Variants in CUX2 observed in about 807,000 individuals in gnomAD.
CUX2 encodes cut like homeobox 2.
In CUX2, 40 loss-of-function variants were observed where a neutral mutation model predicts 144.8. That is an observed-to-expected ratio of 0.28 (90% CI 0.21 to 0.36). The LOEUF is 0.36. Ranked by LOEUF, CUX2 falls within the 10% of genes least tolerant of loss-of-function variation. CUX2 has a pLI of 1.00. For synonymous variants in CUX2, 827 were observed against 875.6 expected (o/e 0.94, Z 0.98); for missense variants, 1,615 against 1,994.0 (o/e 0.81, Z 3.62).
At chr12:111,105,413 G>A (rs1422772761) in intron 1 of CUX2, among the ~76,000 whole-genome samples, 1 of 152,208 alleles carries the variant, frequency 6.6e-6, no homozygotes, top group African/African-American at 2.4e-5. Flanking sequence ...AGGGGCTGAC[G>A]GAAGAGGTGA....
At chr12:111,313,116 C>T (rs1175654170) in intron 16 of CUX2, among the ~76,000 whole-genome samples, 1 of 152,102 alleles carries the variant, frequency 6.6e-6, no homozygotes, top group Admixed American at 6.5e-5. Flanking sequence ...GGCTGGAGTG[C>T]AGTGGCGCAG....
chr12:111,035,967 G>C lies in CUX2; in HGVS notation c.63+1727G>C, dbSNP rs539352044. On this transcript the variant is annotated intron_variant, in intron 1 of 21. Transcript: ENST00000261726. This position sits in a 1 kb window ranked among gnomAD's most constrained non-coding sequence, Gnocchi z 6.0. ...GGGGTTATGGAGGCAGAGAGAGAGA[G>C]AGAGAGGGAGAATTGGGCAGCCACA... 6.6e-6 allele frequency among the ~76,000 whole-genome samples: 1 copy of C among 152,208 alleles called. No homozygotes were observed. The highest frequency in any genetic ancestry group is 1.5e-5 in the Non-Finnish European group (1 of 68,040).
intron 3 of CUX2, among the ~76,000 whole-genome samples, chr12:111,257,025 C>T (rs1273032972): frequency 6.6e-6 from 1 of 152,022 alleles, no homozygotes; most frequent in Non-Finnish European, 1.5e-5. Context: ...CTTGACTCGC[C>T]CCTGGCAGAA....
intron 3 of CUX2, among the ~76,000 whole-genome samples, chr12:111,231,153 T>C (rs868072633): frequency 2.0e-5 from 3 of 152,144 alleles, no homozygotes; most frequent in South Asian, 2.1e-4. Context: ...TCTCCAGAAC[T>C]CTTTTTATCT....
chr12:111,243,930 G>A (rs1425862998), intron 3 of CUX2, among the ~76,000 whole-genome samples: 2 of 152,112 alleles, frequency 1.3e-5, no homozygotes, highest in Non-Finnish European at 2.9e-5. Flanking sequence ...CTTTGTATGT[G>A]GAAGTGACCA....
intron 1 of CUX2, among the ~76,000 whole-genome samples, chr12:111,042,689 C>T (rs918929514): frequency 3.3e-5 from 5 of 152,046 alleles, no homozygotes; most frequent in African/African-American, 4.8e-5. Flanking sequence ...TGGAGTGCAA[C>T]GGTGCCATCA....
intron 1 of CUX2, among the ~76,000 whole-genome samples, chr12:111,104,709 C>T (rs1032520006): frequency 6.6e-6 from 1 of 152,196 alleles, no homozygotes; most frequent in African/African-American, 2.4e-5. Flanking sequence ...TTCAGAGCCG[C>T]CAGGCCAGAA....
chr12:111,307,324 T>G lies in CUX2; in HGVS notation c.1109+67T>G. On this transcript the variant is annotated intron_variant, in intron 12 of 21. Transcript: ENST00000261726. This position sits in a 1 kb window ranked among gnomAD's most constrained non-coding sequence, Gnocchi z 4.1. The stretch of plus-strand genomic sequence containing the variant: ...CCCTGGCCAGGAGCTCTTGGCAAAG[T>G]TCATCATCTTCCTCCCTCCTACTAA... 7.1e-7 allele frequency: 1 copy of G among 1,400,418 alleles called. No homozygotes were observed. The highest frequency in any genetic ancestry group is 1.0e-6 in the Non-Finnish European group (1 of 999,320). 86.7% of individuals were successfully genotyped at this position (1,400,418 alleles called of 1,614,324 possible).
intron 5 of CUX2, among the ~76,000 whole-genome samples, chr12:111,292,363 G>A (rs1041917080): frequency 4.6e-5 from 7 of 152,114 alleles, no homozygotes; most frequent in African/African-American, 7.2e-5. Flanking sequence ...AGGCCAAGGC[G>A]GGTGGATCAC....
chr12:111,123,915 G>A (rs1874871618), intron 1 of CUX2, among the ~76,000 whole-genome samples: 2 of 152,262 alleles, frequency 1.3e-5, no homozygotes, highest in South Asian at 4.1e-4. Context: ...GGCTCAGAGG[G>A]GTAAAACACA....
intron 1 of CUX2, among the ~76,000 whole-genome samples, chr12:111,094,336 G>A (rs948730239): frequency 6.6e-6 from 1 of 152,206 alleles, no homozygotes; most frequent in Non-Finnish European, 1.5e-5. Context: ...CCCGAGAAGT[G>A]GACGGGGACC....
chr12:111,160,462 C>G lies in CUX2; in HGVS notation c.64-53738C>G, dbSNP rs1275191865. ...TGTGTCTGAGCCTTCATCTCTGTGC[C>G]TGTGTGTCTGCATGTGCACACGTGC... On this transcript the variant is annotated intron_variant, in intron 1 of 21. Transcript: ENST00000261726. The surrounding 1 kb of genome is among the most constrained non-coding windows in gnomAD (Gnocchi z 4.1). Among the ~76,000 whole-genome samples, 3 of 152,136 alleles carry G rather than the reference C, an allele frequency of 2.0e-5. No homozygotes were observed. The highest frequency in any genetic ancestry group is 4.4e-5 in the Non-Finnish European group (3 of 68,026).
chr12:111,080,637 A>C (rs1378566610), intron 1 of CUX2, among the ~76,000 whole-genome samples: 1 of 152,066 alleles, frequency 6.6e-6, no homozygotes, highest in Non-Finnish European at 1.5e-5. Flanking sequence ...GTACCACTGC[A>C]CTCCAACCTG....
intron 9 of CUX2, among the ~76,000 whole-genome samples, chr12:111,302,421 T>C (rs556637556): frequency 1.9e-4 from 29 of 152,334 alleles, no homozygotes; most frequent in African/African-American, 7.0e-4. Context: ...TATGAGATAG[T>C]TGCCTTTATA....
intron 1 of CUX2, among the ~76,000 whole-genome samples, chr12:111,192,723 C>G (rs1879973662): frequency 6.6e-6 from 1 of 152,188 alleles, no homozygotes; most frequent in South Asian, 2.1e-4. Flanking sequence ...CCCTGGATGT[C>G]CTGAGACCTT....
intron 1 of CUX2, among the ~76,000 whole-genome samples, chr12:111,202,670 C>T (rs1333521868): frequency 1.3e-5 from 2 of 152,122 alleles, no homozygotes; most frequent in Non-Finnish European, 2.9e-5. Flanking sequence ...GCTTGTGGAG[C>T]TGACATTGGA....
chr12:111,046,718 G>T (rs751686493), intron 1 of CUX2, among the ~76,000 whole-genome samples: 39 of 152,080 alleles, frequency 2.6e-4, no homozygotes, highest in Admixed American at 5.9e-4. Context: ...GTGCAGTGGC[G>T]CAATCTCGGC....
chr12:111,085,074 G>A (rs1872131359), intron 1 of CUX2, among the ~76,000 whole-genome samples: 1 of 152,130 alleles, frequency 6.6e-6, no homozygotes, highest in Non-Finnish European at 1.5e-5. Context: ...TTCTAGTCTG[G>A]GGAGACAGGT....
chr12:111,258,244 G>A (rs1883934700), intron 3 of CUX2, among the ~76,000 whole-genome samples: 1 of 152,224 alleles, frequency 6.6e-6, no homozygotes, highest in Admixed American at 6.5e-5. Context: ...GGACCGCGGT[G>A]GCTCACGCGT....
Sources: gnomAD v4.1 joint callset for allele counts (sites outside exome capture counted in the v4.1 genomes callset) on GRCh38, gnomAD v4.1.1 for gene constraint, Gnocchi (gnomAD v3.1) non-coding constraint, MANE v1.5 for transcripts, NCBI Gene and HGNC (gene_info 2026-07-23, HGNC 2026-07-21) for gene names.